Variants in MAML2 observed in about 807,000 individuals in gnomAD.
MAML2 encodes mastermind like transcriptional coactivator 2, also known as mastermind-like protein 2.
Under a neutral mutation model 96.1 loss-of-function variants are expected in MAML2, and 22 were observed. The ratio of observed to expected loss-of-function variants is 0.23; its 90% confidence interval spans 0.16 to 0.33. MAML2 has a LOEUF of 0.33. MAML2 is among the 10% of genes least tolerant of loss of function. The pLI is 1.00. For synonymous variants in MAML2, 561 were observed against 521.3 expected, an observed-to-expected ratio of 1.08 and a Z score of -1.04; for missense variants, 1,367 against 1,392.4, an observed-to-expected ratio of 0.98 and a Z score of 0.29.
chr11:95,991,440 AG>A, intron 3 of MAML2, 79 bp downstream of exon 3: 3 of 1,309,624 alleles, frequency 2.3e-6, no homozygotes, highest in Non-Finnish European at 3.3e-6. Context: ...AAGTAGGCAC[AG>A]TAAATATAAA....
intron 1 of MAML2, among the ~76,000 whole-genome samples, chr11:96,301,105 T>G (rs1008296513): frequency 3.9e-5 from 6 of 152,208 alleles, no homozygotes; most frequent in African/African-American, 1.4e-4. Context: ...GAAAGGATTT[T>G]AACAATCGCC....
chr11:96,172,782 G>A (rs1466283838), intron 1 of MAML2, among the ~76,000 whole-genome samples: 1 of 152,110 alleles, frequency 6.6e-6, no homozygotes, highest in African/African-American at 2.4e-5. Flanking sequence ...TTAAGTGGTG[G>A]GAATATTTTT....
intron 1 of MAML2, among the ~76,000 whole-genome samples, chr11:96,308,422 T>C (rs2136002694): frequency 6.6e-6 from 1 of 152,330 alleles, no homozygotes; most frequent in South Asian, 2.1e-4. Context: ...TCCATTTTAG[T>C]GACAATTTAC....
chr11:96,188,099 G>T (rs1326446524), intron 1 of MAML2, among the ~76,000 whole-genome samples: 3 of 152,188 alleles, frequency 2.0e-5, no homozygotes, highest in Non-Finnish European at 4.4e-5. Flanking sequence ...ATCTTTGCTG[G>T]AAAGTGATGA....
At chr11:96,061,627 A>T (rs956604078) in intron 2 of MAML2, among the ~76,000 whole-genome samples, 3 of 152,202 alleles carry the variant, frequency 2.0e-5, no homozygotes, top group African/African-American at 7.2e-5. Context: ...TAAAGAGCAG[A>T]AGATCCACAA....
chr11:96,245,322 G>C (rs1862495936), intron 1 of MAML2, among the ~76,000 whole-genome samples: 1 of 150,724 alleles, frequency 6.6e-6, no homozygotes, highest in Non-Finnish European at 1.5e-5. Context: ...ACCCTAGATA[G>C]GATATGAGAA....
At chr11:96,217,452 C>T (rs1862067164) in intron 1 of MAML2, among the ~76,000 whole-genome samples, 1 of 152,212 alleles carries the variant, frequency 6.6e-6, no homozygotes, top group Non-Finnish European at 1.5e-5. Flanking sequence ...CTATGAGACA[C>T]CATATTTAGA....
chr11:95,999,942 T>C (rs1459895073), intron 2 of MAML2, among the ~76,000 whole-genome samples: 1 of 152,230 alleles, frequency 6.6e-6, no homozygotes, highest in African/African-American at 2.4e-5. Flanking sequence ...ATGAACTAAC[T>C]GCTCAACTGT....
chr11:95,991,713 G>A lies in MAML2; in HGVS notation c.2150C>T (p.Ser717Phe). ...GGGGCCTGTGTTCTGGCCTACCACA[G>A]AGTGTTGATCCTAAAGAAGAGAAAG... ...VSQQQRQDQHSVVGQNTGPSP... is the reference protein window; with the variant it reads ...VSQQQRQDQHFVVGQNTGPSP... Residue 717 changes from serine (S) to phenylalanine (F), a missense_variant, in exon 3 of 5, where the codon TCT (serine) becomes TTT (phenylalanine). By Grantham distance (155) the Ser-to-Phe change is radical (BLOSUM62 -2). Transcript: ENST00000524717. 1 of 1,613,484 alleles carries A rather than the reference G, an allele frequency of 6.2e-7. No individual in the cohort carries two copies. Among genetic ancestry groups the A allele is most frequent in the South Asian group, 1.1e-5 (1 of 91,064 alleles).
rs186975077 is a variant in MAML2, at chr11:96,029,959, C to T, written c.2140-38236G>A. On this transcript the variant is annotated intron_variant, in intron 2 of 4. Transcript: ENST00000524717. ...ACTTTAAAATTCATATGGAGCCAGG[C>T]GCGGTGGCTCACGCCTATAATCCCA... Among the ~76,000 whole-genome samples, 14 of 152,192 alleles carry T rather than the reference C, an allele frequency of 9.2e-5. No individual in the cohort carries two copies. The East Asian group carries it at 1.7e-3, about 19-fold the overall frequency.
intron 1 of MAML2, among the ~76,000 whole-genome samples, chr11:96,318,030 C>T (rs1863654017): frequency 6.6e-6 from 1 of 152,274 alleles, no homozygotes; most frequent in Non-Finnish European, 1.5e-5. Flanking sequence ...GTGAGAGTTG[C>T]TTTAGAGGTT....
intron 1 of MAML2, among the ~76,000 whole-genome samples, chr11:96,114,777 G>T (rs112474609): frequency 0.013 from 1,911 of 152,340 alleles, 51 homozygotes; most frequent in African/African-American, 0.043. Flanking sequence ...AGTAGAAAAG[G>T]CTCAGGCCCC....
chr11:96,235,615 G>A (rs1452484897), intron 1 of MAML2, among the ~76,000 whole-genome samples: 3 of 152,194 alleles, frequency 2.0e-5, no homozygotes, highest in Non-Finnish European at 2.9e-5. Flanking sequence ...TGGCCCTGGT[G>A]ATCATCTATT....
At chr11:96,131,064 T>C (rs1297032423) in intron 1 of MAML2, among the ~76,000 whole-genome samples, 1 of 151,574 alleles carries the variant, frequency 6.6e-6, no homozygotes, top group African/African-American at 2.4e-5. Flanking sequence ...TACCAGAAAG[T>C]CTGAGAACTA....
Position 96,163,583 on chromosome 11 carries a change from A to G in MAML2, c.514-70066T>C, listed in dbSNP as rs193255661. The stretch of plus-strand genomic sequence containing the variant: ...AGAACCCAAGTCTCCTAACTGACCT[A>G]TACAGCTACTCCATCTTCTCCACTA... On this transcript the variant is annotated intron_variant, in intron 1 of 4. Transcript: ENST00000524717. Among the ~76,000 whole-genome samples, 31 of 152,354 alleles carry G rather than the reference A, an allele frequency of 2.0e-4. 1 individual carries two copies. Among genetic ancestry groups the G allele is most frequent in the Middle Eastern group, 6.8e-3 (2 of 294 alleles).
At chr11:96,223,139 C>T (rs1052140724) in intron 1 of MAML2, among the ~76,000 whole-genome samples, 20 of 151,896 alleles carry the variant, frequency 1.3e-4, no homozygotes, top group East Asian at 9.6e-4. Context: ...ATAGAAGACA[C>T]GTTATATGAA....
chr11:96,067,157 C>T (rs1859258265), intron 2 of MAML2, among the ~76,000 whole-genome samples: 1 of 152,212 alleles, frequency 6.6e-6, no homozygotes. Context: ...TCACAAACAA[C>T]ACCTAACATG....
intron 1 of MAML2, among the ~76,000 whole-genome samples, chr11:96,274,405 A>C (rs1862958907): frequency 6.6e-6 from 1 of 151,894 alleles, no homozygotes; most frequent in Non-Finnish European, 1.5e-5. Flanking sequence ...AGGATTTCTC[A>C]TCTTTTTCTT....
intron 1 of MAML2, among the ~76,000 whole-genome samples, chr11:96,152,114 T>G (rs1429945689): frequency 6.6e-6 from 1 of 152,164 alleles, no homozygotes; most frequent in African/African-American, 2.4e-5. Flanking sequence ...TCCCAGCTAC[T>G]TGGGAGGCTG....
Sources: allele counts gnomAD v4.1 joint callset (sites outside exome capture counted in the v4.1 genomes callset), GRCh38; gene constraint gnomAD v4.1.1; transcripts MANE v1.5; gene names NCBI Gene and HGNC (gene_info 2026-07-23, HGNC 2026-07-21).